ACER1: variants seen among roughly 807,000 people sequenced by gnomAD.
ACER1 encodes CTB-180A7.3.
In ACER1, 28 loss-of-function variants were observed where a neutral mutation model predicts 24.9. The ratio of observed to expected loss-of-function variants is 1.13; its 90% CI spans 0.83 to 1.54. ACER1 has a LOEUF of 1.54. Ranked by LOEUF, ACER1 falls within the 40% of genes most tolerant of loss-of-function variation. The pLI is 0.00. For missense variants in ACER1, 352 were observed against 349.3 expected, an observed-to-expected ratio of 1.01 and a Z score of -0.06; for synonymous variants, 132 against 131.4, an observed-to-expected ratio of 1.00 and a Z score of -0.03.
chr19:6,344,191 C>G, the ACER1 span, among the ~76,000 whole-genome samples: 1 of 152,010 alleles, frequency 6.6e-6, no homozygotes, highest in Admixed American at 6.6e-5. Flanking sequence ...ATGGCCCGAA[C>G]CCAGGAGGTG....
At chr19:6,359,253 G>A in the ACER1 span, among the ~76,000 whole-genome samples, 4 of 151,592 alleles carry the variant, frequency 2.6e-5, no homozygotes, top group Admixed American at 6.6e-5. Flanking sequence ...AGAGTCTACC[G>A]CTTACTGCTT....
At chr19:6,308,871 T>G (rs2091564016) in intron 4 of ACER1, among the ~76,000 whole-genome samples, 1 of 152,096 alleles carries the variant, frequency 6.6e-6, no homozygotes, top group African/African-American at 2.4e-5. Flanking sequence ...CTATTTTCTC[T>G]GCTTGCATGT....
the ACER1 span, among the ~76,000 whole-genome samples, chr19:6,347,109 A>AAAATATATATATATAT: frequency 3.2e-4 from 36 of 113,768 alleles, no homozygotes; most frequent in African/African-American, 1.4e-3. Context: ...AAAAAAAAAA[A>AAAATATATATATATAT]ATATATATAT....
In ACER1 at chr19:6,310,323, G is replaced by C. The variant is rs551126578; in HGVS notation, c.351-489C>G. Among the ~76,000 whole-genome samples the C allele has an allele frequency of 6.0e-5, 9 of 151,120 alleles. No homozygotes were observed. The South Asian group carries it at 1.7e-3, about 28-fold the overall frequency. On this transcript the variant is annotated intron_variant, in intron 3 of 5. Coordinates refer to ENST00000301452, the MANE Select transcript of ACER1 (RefSeq NM_133492.3). ...AGGATGGTCTCAATCTCCTGACCTC[G>C]TGATCCGCCCGCCTCGGCCTCCCAA...
the ACER1 span, among the ~76,000 whole-genome samples, chr19:6,346,477 CCTCCTTCTTCTT>C: frequency 6.0e-5 from 9 of 151,186 alleles, no homozygotes; most frequent in African/African-American, 1.7e-4. Flanking sequence ...TCCTCTTCCT[CCTCCTTCTTCTT>C]CTCCTTCTTC....
chr19:6,355,656 G>T, the ACER1 span, among the ~76,000 whole-genome samples: 1 of 134,770 alleles, frequency 7.4e-6, no homozygotes, highest in East Asian at 2.4e-4. Flanking sequence ...CAGCCGCCCC[G>T]TCCGGGAGGT....
chr19:6,334,298 C>A (rs1410345285), upstream of ACER1, among the ~76,000 whole-genome samples: 1 of 151,996 alleles, frequency 6.6e-6, no homozygotes, highest in African/African-American at 2.4e-5. Flanking sequence ...CCTGCCTTGG[C>A]CTCCCAAAGT....
chr19:6,355,025 G>A, the ACER1 span, among the ~76,000 whole-genome samples: 161 of 152,280 alleles, frequency 1.1e-3, 1 homozygote, highest in Middle Eastern at 0.01. Flanking sequence ...GGGTTTCGCT[G>A]TGTTGGCCGG....
the ACER1 span, among the ~76,000 whole-genome samples, chr19:6,341,393 T>A: frequency 6.6e-6 from 1 of 150,700 alleles, no homozygotes; most frequent in South Asian, 2.1e-4. Flanking sequence ...CCAGTGGGGG[T>A]ACACACGTGT....
chr19:6,357,825 C>A, the ACER1 span, among the ~76,000 whole-genome samples: 1 of 151,768 alleles, frequency 6.6e-6, no homozygotes, highest in African/African-American at 2.4e-5. Flanking sequence ...GAAGAAGAGA[C>A]AGTAGGTCAC....
Position 6,309,772 on chromosome 19 carries a change from C to T in ACER1, c.413G>A (p.Arg138Gln), listed in dbSNP as rs767045996. ...GAGGGCGTAGGCGTTGACCGTGGGC[C>T]GCAGGAAGGACAGAAGGGTGCTGAC... Reference protein sequence around the residue: ...TVVSTLLSFLRPTVNAYALNS... With the variant: ...TVVSTLLSFLQPTVNAYALNS... Residue 138 changes from arginine to glutamine, a missense_variant, in exon 4 of 6, where the codon CGG becomes CAG. Transcript: ENST00000301452. 5 of 1,614,004 alleles carry T rather than the reference C, an allele frequency of 3.1e-6. No individual in the cohort carries two copies. The highest frequency in any genetic ancestry group is 1.7e-5 in the Admixed American group (1 of 59,976).
At chr19:6,349,442 GAGGAAAGAAGGAAGGAAGGA>G in the ACER1 span, among the ~76,000 whole-genome samples, 1 of 122,222 alleles carries the variant, frequency 8.2e-6, no homozygotes, top group East Asian at 2.1e-4. Flanking sequence ...AGAAGGAAGG[GAGGAAAGAAGGAAGGAAGGA>G]AGGAAAGAAG....
chr19:6,342,722 A>T, the ACER1 span, among the ~76,000 whole-genome samples: 4 of 152,190 alleles, frequency 2.6e-5, no homozygotes, highest in South Asian at 2.1e-4. Context: ...CAATCTCAAA[A>T]AAATAAATAA....
At chr19:6,308,435 CAA>C (rs11343156) in intron 4 of ACER1, among the ~76,000 whole-genome samples, 63,827 of 104,024 alleles carry the variant, frequency 0.61, 18,752 homozygotes, top group Middle Eastern at 0.81. Context: ...GACTCCGTCT[CAA>C]AAAAAAAAAA....
At chr19:6,336,031 G>A (rs1347261439), upstream of ACER1, among the ~76,000 whole-genome samples, 1 of 151,560 alleles carries the variant, frequency 6.6e-6, no homozygotes, top group Non-Finnish European at 1.5e-5. Flanking sequence ...CTCCCAAGTA[G>A]CTGGATTTAC....
chr19:6,346,576 C>G, the ACER1 span, among the ~76,000 whole-genome samples: 1 of 142,784 alleles, frequency 7.0e-6, no homozygotes, highest in South Asian at 2.2e-4. Context: ...GAGTGCAGTG[C>G]TGCAATCATA....
the ACER1 span, among the ~76,000 whole-genome samples, chr19:6,358,791 G>A: frequency 3.3e-5 from 5 of 151,350 alleles, no homozygotes; most frequent in East Asian, 9.7e-4. Context: ...AAATTAGCTG[G>A]GCGTGGTGGT....
chr19:6,344,928 C>T, the ACER1 span, among the ~76,000 whole-genome samples: 3 of 151,532 alleles, frequency 2.0e-5, no homozygotes, highest in Non-Finnish European at 2.9e-5. Flanking sequence ...TGCAGTGGCA[C>T]GATCTCGGCT....
At chr19:6,326,753 G>A (rs1470425771) in intron 1 of ACER1, among the ~76,000 whole-genome samples, 3 of 152,064 alleles carry the variant, frequency 2.0e-5, no homozygotes, top group Non-Finnish European at 4.4e-5. Context: ...TGGAATCCCA[G>A]GATCATCCAG....
Sources: gnomAD v4.1 joint callset for allele counts (sites outside exome capture counted in the v4.1 genomes callset) on GRCh38, gnomAD v4.1.1 for gene constraint, MANE v1.5 for transcripts, NCBI Gene and HGNC (gene_info 2026-07-23, HGNC 2026-07-21) for gene names.